FGF14: variants seen among roughly 807,000 people sequenced by gnomAD.
FGF14 encodes fibroblast growth factor homologous factor 4.
A neutral mutation model predicts 25.5 loss-of-function variants in FGF14; 5 were observed. The observed-to-expected ratio is 0.20, with a 90% CI of 0.10 to 0.41. The LOEUF is 0.41. Ranked by LOEUF, FGF14 falls within the 10% of genes least tolerant of loss-of-function variation. The pLI is 1.00. For synonymous variants in FGF14, 138 were observed against 118.3 expected (o/e 1.17, Z -1.08); for missense variants, 222 against 320.1 (o/e 0.69, Z 2.34).
chr13:101,884,117 T>C (rs1016291538), intron 1 of FGF14, among the ~76,000 whole-genome samples: 1 of 129,922 alleles, frequency 7.7e-6, no homozygotes, highest in South Asian at 2.6e-4. Context: ...AGAGTCACTA[T>C]ATGATGTGTG....
At chr13:101,735,510 T>G (rs535200082) in intron 3 of FGF14, among the ~76,000 whole-genome samples, 25 of 152,110 alleles carry the variant, frequency 1.6e-4, no homozygotes, top group Non-Finnish European at 3.4e-4. Context: ...TAAAAAGAGT[T>G]TTTAAGAAAG....
chr13:102,127,873 G>C (rs2046013631), intron 1 of FGF14, among the ~76,000 whole-genome samples: 1 of 152,222 alleles, frequency 6.6e-6, no homozygotes, highest in African/African-American at 2.4e-5. Context: ...TGGAGTCTCA[G>C]CTGGCAGCTA....
intron 3 of FGF14, among the ~76,000 whole-genome samples, chr13:101,782,630 A>T (rs1225823107): frequency 6.6e-6 from 1 of 152,188 alleles, no homozygotes; most frequent in East Asian, 1.9e-4. Context: ...ATAAGTGAGA[A>T]CATGTGGTAT....
chr13:102,100,345 A>G (rs541221733), intron 1 of FGF14, among the ~76,000 whole-genome samples: 1 of 152,190 alleles, frequency 6.6e-6, no homozygotes, highest in East Asian at 1.9e-4. Context: ...GGAGAGAGCC[A>G]TTTCCTTCCC....
intron 1 of FGF14, among the ~76,000 whole-genome samples, chr13:102,247,409 T>G (rs1053019805): frequency 2.7e-5 from 4 of 150,866 alleles, no homozygotes; most frequent in Non-Finnish European, 5.9e-5. Context: ...ACAACCCCAT[T>G]AAAAACAAGT....
chr13:102,161,688 G>GTACCCC lies in FGF14; in HGVS notation c.208+239782_208+239783insGGGGTA, dbSNP rs1566765821. ...AGAAGAAGAAGAAGAAGAAGAAGAA[G>GTACCCC]AAGAAGAAGAAGAAGAAGAAGAAGA... On this transcript the variant is annotated intron_variant, in intron 1 of 4. Coordinates refer to the FGF14 transcript ENST00000376131. 9.0e-3 allele frequency among the ~76,000 whole-genome samples: 749 copies of GTACCCC among 83,546 alleles called. 27 individuals carry two copies. The highest frequency in any genetic ancestry group is 0.026 in the Middle Eastern group (4 of 152). 54.8% of individuals were successfully genotyped at this position (83,546 alleles called of 152,430 possible). A position where few individuals can be genotyped will look rare whatever the true frequency, so the allele number is the denominator to read the frequency against.
chr13:102,147,485 G>A (rs2046900927), intron 1 of FGF14, among the ~76,000 whole-genome samples: 1 of 152,204 alleles, frequency 6.6e-6, no homozygotes, highest in Non-Finnish European at 1.5e-5. Context: ...AAGAGCTTAT[G>A]TGACACAAGG....
intron 1 of FGF14, among the ~76,000 whole-genome samples, chr13:102,152,354 A>C (rs542282207): frequency 6.6e-6 from 1 of 152,206 alleles, no homozygotes; most frequent in Non-Finnish European, 1.5e-5. Flanking sequence ...ACAAATGAGA[A>C]GTTAGAGTCC....
chr13:101,952,413 CTTTT>C (rs35081290), intron 1 of FGF14, among the ~76,000 whole-genome samples: 1 of 146,764 alleles, frequency 6.8e-6, no homozygotes, highest in South Asian at 2.1e-4. Context: ...TTTTTGGCTA[CTTTT>C]TTTTTTTTCT....
intron 1 of FGF14, among the ~76,000 whole-genome samples, chr13:101,994,463 T>C (rs12708382): frequency 0.034 from 5,240 of 152,118 alleles, 274 homozygotes; most frequent in African/African-American, 0.12. Context: ...ATAATACCTG[T>C]TCTTCAAATT....
chr13:101,863,781 TA>T (rs1290217453), intron 3 of FGF14, among the ~76,000 whole-genome samples: 1 of 152,116 alleles, frequency 6.6e-6, no homozygotes, highest in Non-Finnish European at 1.5e-5. Context: ...AAGAGGAAAA[TA>T]ACATTGTTCC....
chr13:101,932,465 G>A (rs1237000459), intron 1 of FGF14, among the ~76,000 whole-genome samples: 4 of 147,900 alleles, frequency 2.7e-5, no homozygotes, highest in African/African-American at 5.0e-5. Flanking sequence ...TCTGCGAGTC[G>A]GAGGTTGCAG....
intron 1 of FGF14, among the ~76,000 whole-genome samples, chr13:102,301,826 TCACACACA>T (rs3066038): frequency 0.064 from 8,891 of 140,008 alleles, 916 homozygotes; most frequent in African/African-American, 0.22. Flanking sequence ...TTCCTGTACT[TCACACACA>T]CACACACACA....
intron 1 of FGF14, among the ~76,000 whole-genome samples, chr13:102,302,742 G>A (rs1326330996): frequency 6.6e-6 from 1 of 152,120 alleles, no homozygotes; most frequent in Non-Finnish European, 1.5e-5. Context: ...CTCCTGTCAA[G>A]TCTACTTCCA....
intron 1 of FGF14, among the ~76,000 whole-genome samples, chr13:101,951,592 T>A (rs753307137): frequency 2.6e-5 from 4 of 152,160 alleles, no homozygotes; most frequent in Non-Finnish European, 4.4e-5. Context: ...TTAAAAGGGA[T>A]GAATTTCAAC....
At chr13:102,261,146 A>C (rs761251001) in intron 1 of FGF14, among the ~76,000 whole-genome samples, 2 of 152,236 alleles carry the variant, frequency 1.3e-5, no homozygotes, top group African/African-American at 2.4e-5. Context: ...CAAAAAGACC[A>C]TGGGATCCTA....
At position 101,864,122 on chromosome 13, in the gene FGF14, T is replaced by A. The variant is rs140697561; in HGVS notation, c.408+4603A>T. Among the ~76,000 whole-genome samples, 1,010 of 152,284 alleles carry A rather than the reference T, an allele frequency of 6.6e-3. 9 individuals are homozygous for A. The highest frequency in any genetic ancestry group is 0.017 in the South Asian group (81 of 4,830). On this transcript the variant is annotated intron_variant, in intron 3 of 4. Transcript: ENST00000376143. ...ATCTTTCTTTCCTTGATTAAAGAAC[T>A]TTCATATATACATATTTATCCTGTA...
At chr13:102,108,910 A>G (rs1374654390) in intron 1 of FGF14, among the ~76,000 whole-genome samples, 2 of 152,202 alleles carry the variant, frequency 1.3e-5, no homozygotes, top group African/African-American at 2.4e-5. Flanking sequence ...TTCATCTTTT[A>G]TACGTATAAT....
At chr13:101,998,337 T>G (rs1379664724) in intron 1 of FGF14, among the ~76,000 whole-genome samples, 2 of 149,858 alleles carry the variant, frequency 1.3e-5, no homozygotes, top group East Asian at 3.9e-4. Flanking sequence ...CTTGGGCCCT[T>G]TTTTGATGTA....
Sources: allele counts gnomAD v4.1 joint callset (sites outside exome capture counted in the v4.1 genomes callset), GRCh38; gene constraint gnomAD v4.1.1; transcripts MANE v1.5; gene names NCBI Gene and HGNC (gene_info 2026-07-23, HGNC 2026-07-21).